Variants in PHF23 observed in about 807,000 individuals in gnomAD.
PHF23 encodes PHD finger protein 23.
PHF23 carries 3 observed loss-of-function variants against 36.0 expected under a neutral mutation model. The observed-to-expected ratio is 0.08, with a 90% CI of 0.04 to 0.22. The LOEUF is 0.22. PHF23 is among the 10% of genes least tolerant of loss of function. The probability of loss-of-function intolerance (pLI) is 1.00; values close to 1 mark genes in which losing one functional copy is unlikely to be tolerated. For missense variants in PHF23, 475 were observed against 513.6 expected (o/e 0.92, Z 0.73); for synonymous variants, 242 against 192.5 (o/e 1.26, Z -2.13).
intron 1 of PHF23, chr17:7,238,560 C>T: frequency 1.7e-6 from 2 of 1,169,466 alleles, no homozygotes; most frequent in Non-Finnish European, 2.1e-6. Flanking sequence ...CCGATGCCCC[C>T]CTCACCCTCA....
intron 2 of PHF23, 70 bp from the exon 3 acceptor site, chr17:7,237,547 TC>T: frequency 6.5e-7 from 1 of 1,546,262 alleles, no homozygotes; most frequent in Non-Finnish European, 8.8e-7. Context: ...AGAAACACAG[TC>T]CCTAAGTGAG....
chr17:7,236,914 C>T lies in PHF23; in HGVS notation c.160-147G>A, dbSNP rs761674288. 1.1e-4 allele frequency: 158 copies of T among 1,432,492 alleles called. No individual in the cohort carries two copies. Among genetic ancestry groups the T allele is most frequent in the Admixed American group, 7.3e-4 (26 of 35,398 alleles). The allele number at this position is 1,432,492 out of a possible 1,614,324, so 88.7% of individuals were successfully genotyped here. ...CCCACTGTACTCCAAAAACTTCTCCCCACCCCAATTCCCATCAGCATGTCC... is the reference window on the plus strand; with the variant it reads ...CCCACTGTACTCCAAAAACTTCTCCTCACCCCAATTCCCATCAGCATGTCC... On this transcript the variant is annotated intron_variant, in intron 3 of 4. Coordinates refer to ENST00000320316, the MANE Select transcript of PHF23 (RefSeq NM_024297.3). This position sits in a 1 kb window ranked among gnomAD's most constrained non-coding sequence, Gnocchi z 5.1.
chr17:7,239,150 C>A, intron 1 of PHF23, 96 bp downstream of exon 1: 2 of 1,056,622 alleles, frequency 1.9e-6, no homozygotes, highest in South Asian at 1.4e-5. Flanking sequence ...TCCCCGAACT[C>A]CCCCGCTGGG....
upstream of PHF23, chr17:7,239,544 T>C: frequency 3.6e-6 from 1 of 276,230 alleles, no homozygotes; most frequent in Non-Finnish European, 7.0e-6. Flanking sequence ...CTCCCTCCTC[T>C]TCTCTCCCTC....
rs1258729469 is a variant in PHF23 at position 7,235,476 on chromosome 17, T to G, written c.*150A>C. 1.4e-5 allele frequency: 11 copies of G among 791,340 alleles called. No individual in the cohort carries two copies. The highest frequency in any genetic ancestry group is 2.0e-5 in the Non-Finnish European group (10 of 488,090). The allele number at this position is 791,340 out of a possible 1,614,324, so 49.0% of individuals were successfully genotyped here. A position where few individuals can be genotyped will look rare whatever the true frequency, so the allele number is the denominator to read the frequency against. On this transcript the variant is annotated 3_prime_UTR_variant, in exon 5 of 5. Transcript: ENST00000320316. ...GGGGAGGAAGGATAGGGTGGGAAAG[T>G]GAGACACTCATTTTCAAACAAGTCT...
In PHF23 at chr17:7,237,619, C is replaced by T. The variant is rs750721268; in HGVS notation, c.66+10G>A. The T allele has an allele frequency of 1.2e-6, 2 of 1,613,998 alleles. No individual in the cohort carries two copies. Among genetic ancestry groups the T allele is most frequent in the East Asian group, 2.2e-5 (1 of 44,888 alleles). ...GGGCTACTAGGCTGCAAAGGTAAGG[C>T]AAACCTCACCTGAGTCTCTGGCTTA... On this transcript the variant is annotated intron_variant, in intron 2 of 4. Transcript: ENST00000320316.
At chr17:7,237,811 CTCCCCCTTCCGCCCCGCGAG>C (rs1332430124) in intron 1 of PHF23, 151 bp from the exon 2 acceptor site, 4 of 863,746 alleles carry the variant, frequency 4.6e-6, no homozygotes, top group Non-Finnish European at 5.4e-6. Context: ...TCCGCCCCGG[CTCCCCCTTCCGCCCCGCGAG>C]GGGCGGAGCC....
In PHF23 at chr17:7,235,536, A is replaced by G. The variant is rs1397544735; in HGVS notation, c.*90T>C. Reference sequence around the variant, plus strand: ...ATTCCTGCCTTGAAGTGCAGACAGTATCCAAGCTCCAGGGGATAGGCTGAG... The same window carrying G: ...ATTCCTGCCTTGAAGTGCAGACAGTGTCCAAGCTCCAGGGGATAGGCTGAG... On this transcript the variant is annotated 3_prime_UTR_variant, in exon 5 of 5. Coordinates refer to ENST00000320316, the MANE Select transcript of PHF23 (RefSeq NM_024297.3). 14 of 1,337,816 alleles carry G rather than the reference A, an allele frequency of 1.0e-5. No individual in the cohort carries two copies. In the East Asian group the frequency reaches 3.2e-4, roughly 31 times the overall value. 82.9% of individuals were successfully genotyped at this position (1,337,816 alleles called of 1,614,324 possible). A position where few individuals can be genotyped will look rare whatever the true frequency, so the allele number is the denominator to read the frequency against.
chr17:7,239,152 C>T, intron 1 of PHF23, 94 bp downstream of exon 1: 1 of 1,059,280 alleles, frequency 9.4e-7, no homozygotes, highest in Non-Finnish European at 1.4e-6. Flanking sequence ...CCCGAACTCC[C>T]CCGCTGGGCT....
chr17:7,238,252 C>G (rs1320816229), intron 1 of PHF23: 1 of 142,426 alleles, frequency 7.0e-6, no homozygotes, highest in Non-Finnish European at 1.5e-5. Context: ...CGGGACAGAC[C>G]CGGGAGCTCT....
upstream of PHF23, chr17:7,239,489 G>A (rs959970769): frequency 4.5e-6 from 2 of 443,754 alleles, no homozygotes; most frequent in Non-Finnish European, 8.2e-6. Context: ...CCGCGCCGCC[G>A]GCCGCCTGCT....
At chr17:7,240,026 T>C (rs1224254638), upstream of PHF23, 1 of 152,212 alleles carries the variant, frequency 6.6e-6, no homozygotes, top group Non-Finnish European at 1.5e-5. Flanking sequence ...AGAACAGCCG[T>C]TTTACTAGCT....
chr17:7,236,515 A>C lies in PHF23; in HGVS notation c.412T>G (p.Phe138Val). The C allele has an allele frequency of 6.2e-7, 1 of 1,614,150 alleles. No individual in the cohort carries two copies. Among genetic ancestry groups the C allele is most frequent in the Non-Finnish European group, 8.5e-7 (1 of 1,180,016 alleles). ...GCCACTTTGGGCCCATCCAGATCAA[A>C]GAGAGAGTCCTTGAGCTTCATCTTC... Reference protein sequence around the residue: ...LEKMKLKDSLFDLDGPKVASP... With the variant: ...LEKMKLKDSLVDLDGPKVASP... Residue 138 changes from phenylalanine (F) to valine (V), a missense_variant, in exon 4 of 5, where the codon TTT becomes GTT. Around this residue, in one of 5 missense-constraint regions of PHF23, gnomAD observed 350 missense variants for 319.8 expected, o/e 1.09. Transcript: ENST00000320316. This position sits in a 1 kb window ranked among gnomAD's most constrained non-coding sequence, Gnocchi z 5.1.
chr17:7,237,291 C>T (rs1016747199), intron 3 of PHF23, 94 bp downstream of exon 3: 20 of 1,102,906 alleles, frequency 1.8e-5, no homozygotes, highest in Admixed American at 2.2e-5. Context: ...TTTCTAAGGG[C>T]CTCCTTCTAT....
rs747525136 is a variant in PHF23, at chr17:7,235,847, A to G, written c.998-7T>C. 3.7e-6 allele frequency: 6 copies of G among 1,602,780 alleles called. No individual in the cohort carries two copies. Among genetic ancestry groups the G allele is most frequent in the Non-Finnish European group, 2.5e-6 (3 of 1,179,272 alleles). On this transcript the variant is annotated splice_polypyrimidine_tract_variant and splice_region_variant and intron_variant, in intron 4 of 4. Coordinates refer to ENST00000320316, the MANE Select transcript of PHF23 (RefSeq NM_024297.3). The stretch of plus-strand genomic sequence containing the variant: ...AGATCCCATGAGTCATCACCTGGGG[A>G]AAAAAAGGTTTGTTTGGTATTCTGC...
At chr17:7,240,627 G>A (rs1387824125), upstream of PHF23, 5 of 519,126 alleles carry the variant, frequency 9.6e-6, no homozygotes, top group East Asian at 1.7e-4. Context: ...AGCAGGATGG[G>A]AAAGGCGGGC....
upstream of PHF23, chr17:7,240,781 G>T (rs973804771): frequency 3.2e-6 from 3 of 943,422 alleles, no homozygotes; most frequent in African/African-American, 3.3e-5. Context: ...CTTGAAGGAG[G>T]AGGAGGTCAA....
chr17:7,236,349 C>T lies in PHF23; in HGVS notation c.578G>A (p.Gly193Glu), dbSNP rs1253153501. 1 of 1,614,066 alleles carries T rather than the reference C, an allele frequency of 6.2e-7. No individual in the cohort carries two copies. Among genetic ancestry groups the T allele is most frequent in the African/African-American group, 1.3e-5 (1 of 74,918 alleles). ...CCTCCGAAGCACCCCAAAGCCAGCC[C>T]CAGCTCCTGGCCCCAACTTTCGGTT... ...RKNRKLGPGA[G>E]AGFGVLRRPR... The change falls in exon 4 of 5, where the codon GGG becomes GAG. Residue 193 changes from glycine to glutamate, a missense_variant. By Grantham distance (98) the Gly-to-Glu change is moderately conservative. Around this residue, in one of 5 missense-constraint regions of PHF23, gnomAD observed 350 missense variants for 319.8 expected, o/e 1.09. Transcript: ENST00000320316. The surrounding 1 kb of genome is among the most constrained non-coding windows in gnomAD (Gnocchi z 5.1).
rs1476931384 is a variant in PHF23 at position 7,236,738 on chromosome 17, G to A, written c.189C>T (p.Ser63=). 1 of 1,613,154 alleles carries A rather than the reference G, an allele frequency of 6.2e-7. No homozygotes were observed. ...EESDWPASGS[S]SPLRGESAAD... is the part of the protein sequence containing the mutation. Reference sequence around the variant, plus strand: ...CCGCACTCTCTCCTCGCAATGGAGAGCTGGAGCCAGAGGCTGGCCAGTCAC... The same window carrying A: ...CCGCACTCTCTCCTCGCAATGGAGAACTGGAGCCAGAGGCTGGCCAGTCAC... The change falls in exon 4 of 5, where the codon AGC becomes AGT. Residue 63 remains serine (S), a synonymous_variant. Coordinates refer to ENST00000320316, the MANE Select transcript of PHF23 (RefSeq NM_024297.3). This position sits in a 1 kb window ranked among gnomAD's most constrained non-coding sequence, Gnocchi z 5.1.
Sources: gnomAD v4.1 joint callset for allele counts on GRCh38, gnomAD v4.1.1 for gene constraint, gnomAD v4.1.1 regional missense constraint, Gnocchi (gnomAD v3.1) non-coding constraint, MANE v1.5 for transcripts, NCBI Gene and HGNC (gene_info 2026-07-23, HGNC 2026-07-21) for gene names.